The following JMJD1C variants were observed in gnomAD, a reference collection of about 807,000 sequenced individuals.
JMJD1C encodes the protein jumonji domain-containing protein 1C.
In JMJD1C, 31 loss-of-function variants were observed where a neutral mutation model predicts 245.3. The ratio of observed to expected loss-of-function variants is 0.13; its 90% confidence interval spans 0.09 to 0.17. The LOEUF is 0.17. Ranked by LOEUF, JMJD1C falls within the 10% of genes least tolerant of loss-of-function variation. The pLI, the probability that JMJD1C is intolerant of heterozygous loss-of-function variation, is 1.00. For synonymous variants in JMJD1C, 1,057 were observed against 1,017.4 expected, an observed-to-expected ratio of 1.04 and a Z score of -0.74; for missense variants, 2,691 against 3,000.2, an observed-to-expected ratio of 0.90 and a Z score of 2.41.
At chr10:63,244,569 A>C (rs1851922054) in intron 3 of JMJD1C, among the ~76,000 whole-genome samples, 1 of 152,220 alleles carries the variant, frequency 6.6e-6, no homozygotes. Context: ...GCAAGAAAAC[A>C]GTGATTGACC....
chr10:63,432,835 C>T (rs1233838488), intron 1 of JMJD1C, among the ~76,000 whole-genome samples: 2 of 152,088 alleles, frequency 1.3e-5, no homozygotes, highest in African/African-American at 2.4e-5. Flanking sequence ...CACCTAAAAA[C>T]AGAAATTCAC....
intron 3 of JMJD1C, among the ~76,000 whole-genome samples, chr10:63,234,334 A>T (rs1268339156): frequency 1.3e-5 from 2 of 151,702 alleles, no homozygotes; most frequent in Non-Finnish European, 2.9e-5. Context: ...TTTCTACAAG[A>T]AATACAAAAA....
At chr10:63,510,017 T>TTTG (rs1954827944) in intron 1 of JMJD1C, among the ~76,000 whole-genome samples, 1 of 151,984 alleles carries the variant, frequency 6.6e-6, no homozygotes, top group African/African-American at 2.4e-5. Context: ...CTTTTTTTTT[T>TTTG]TTTGAGATGG....
At chr10:63,190,791 C>A in intron 17 of JMJD1C, 103 bp downstream of exon 17, 1 of 815,154 alleles carries the variant, frequency 1.2e-6, no homozygotes, top group Non-Finnish European at 2.1e-6. Flanking sequence ...ATTTGGTACA[C>A]TTGATTTCAT....
At chr10:63,334,709 A>G (rs1276248398) in intron 2 of JMJD1C, among the ~76,000 whole-genome samples, 1 of 149,128 alleles carries the variant, frequency 6.7e-6, no homozygotes, top group Non-Finnish European at 1.5e-5. Flanking sequence ...CAACAGAATG[A>G]GACTGTGTCT....
At chr10:63,446,712 A>T (rs959829011) in intron 1 of JMJD1C, among the ~76,000 whole-genome samples, 3 of 152,226 alleles carry the variant, frequency 2.0e-5, no homozygotes, top group Non-Finnish European at 4.4e-5. Flanking sequence ...AATGCTGCTG[A>T]TAAGCCCAGT....
chr10:63,283,039 T>G (rs1208793897), intron 2 of JMJD1C, among the ~76,000 whole-genome samples: 1 of 152,042 alleles, frequency 6.6e-6, no homozygotes, highest in Non-Finnish European at 1.5e-5. Flanking sequence ...TTAATTCAGG[T>G]CAGTTTCACT....
chr10:63,421,017 G>A (rs1348686154), intron 1 of JMJD1C, among the ~76,000 whole-genome samples: 3 of 152,210 alleles, frequency 2.0e-5, no homozygotes, highest in Admixed American at 6.5e-5. Flanking sequence ...ACACACTGCC[G>A]CAGATCTTAG....
intron 22 of JMJD1C, among the ~76,000 whole-genome samples, chr10:63,180,669 C>T (rs1843357949): frequency 6.6e-6 from 1 of 152,172 alleles, no homozygotes. Context: ...GTGGCACCAT[C>T]TTGGCTTACT....
chr10:63,223,523 T>C (rs920036860), intron 3 of JMJD1C, among the ~76,000 whole-genome samples: 1 of 152,014 alleles, frequency 6.6e-6, no homozygotes, highest in Non-Finnish European at 1.5e-5. Flanking sequence ...CCATCACGCC[T>C]GGCTATAAAC....
intron 2 of JMJD1C, among the ~76,000 whole-genome samples, chr10:63,289,313 A>AG (rs1256918085): frequency 1.3e-5 from 1 of 78,356 alleles, no homozygotes; most frequent in Non-Finnish European, 4.2e-5. Flanking sequence ...ATTTAATAAG[A>AG]GAAACATAAA....
chr10:63,204,567 G>A (rs951033671), intron 10 of JMJD1C: 45 of 985,266 alleles, frequency 4.6e-5, no homozygotes, highest in Non-Finnish European at 5.2e-5. Context: ...AGACAGAAGA[G>A]AAACAATTAA....
chr10:63,439,594 A>G (rs1440092339), intron 1 of JMJD1C, among the ~76,000 whole-genome samples: 1 of 152,082 alleles, frequency 6.6e-6, no homozygotes, highest in Non-Finnish European at 1.5e-5. Context: ...CTATTGAACC[A>G]CCTCAGTTTA....
At chr10:63,341,166 T>C (rs1483492279) in intron 2 of JMJD1C, among the ~76,000 whole-genome samples, 3 of 152,300 alleles carry the variant, frequency 2.0e-5, no homozygotes, top group African/African-American at 4.8e-5. Flanking sequence ...AAGGGAACTA[T>C]AAATACTCAA....
chr10:63,476,231 ATATT>A (rs1346753212), intron 1 of JMJD1C, among the ~76,000 whole-genome samples: 1 of 148,084 alleles, frequency 6.8e-6, no homozygotes, highest in African/African-American at 2.5e-5. Context: ...ATATATACAT[ATATT>A]TATTTATTAT....
At chr10:63,173,719 CTT>C (rs951445545) in intron 24 of JMJD1C, among the ~76,000 whole-genome samples, 1 of 149,418 alleles carries the variant, frequency 6.7e-6, no homozygotes, top group Non-Finnish European at 1.5e-5. Context: ...AAGATACTGT[CTT>C]TTAAAAAATG....
chr10:63,473,992 G>A (rs1295126539), intron 1 of JMJD1C, among the ~76,000 whole-genome samples: 4 of 151,820 alleles, frequency 2.6e-5, no homozygotes, highest in Non-Finnish European at 5.9e-5. Flanking sequence ...GCAGTGAGCC[G>A]AGATTGCGCT....
intron 1 of JMJD1C, among the ~76,000 whole-genome samples, chr10:63,402,616 A>C (rs887034331): frequency 6.6e-6 from 1 of 152,208 alleles, no homozygotes; most frequent in African/African-American, 2.4e-5. Context: ...GTTGCACTAA[A>C]GTATAAAATA....
At chr10:63,386,760 T>C (rs1947630362) in intron 1 of JMJD1C, among the ~76,000 whole-genome samples, 1 of 152,100 alleles carries the variant, frequency 6.6e-6, no homozygotes, top group Non-Finnish European at 1.5e-5. Context: ...GCTACTGACA[T>C]CAACTATGCC....
Sources: gnomAD v4.1 joint callset for allele counts (sites outside exome capture counted in the v4.1 genomes callset) on GRCh38, gnomAD v4.1.1 for gene constraint, MANE v1.5 for transcripts, NCBI Gene and HGNC (gene_info 2026-07-23, HGNC 2026-07-21) for gene names.